The following NXPE3 variants were observed in gnomAD, a reference collection of about 807,000 sequenced individuals.
The protein encoded by NXPE3 is NXPE family member 3.
A neutral mutation model predicts 46.1 loss-of-function variants in NXPE3; 26 were observed. The observed-to-expected ratio is 0.56, with a 90% CI of 0.41 to 0.78. The LOEUF (loss-of-function observed/expected upper bound fraction) is 0.78. Ranked by LOEUF, NXPE3 falls within the 30% of genes least tolerant of loss-of-function variation. The pLI is 0.00. For missense variants in NXPE3, 620 were observed against 686.0 expected (o/e 0.90, Z 1.07); for synonymous variants, 272 against 257.9 (o/e 1.05, Z -0.52).
intron 4 of NXPE3, among the ~76,000 whole-genome samples, chr3:101,787,772 C>T (rs931439127): frequency 9.9e-5 from 15 of 152,218 alleles, no homozygotes; most frequent in Non-Finnish European, 1.8e-4. Flanking sequence ...AAGGAAATTC[C>T]GATAGATGCT....
At position 101,824,798 on chromosome 3, in the gene NXPE3, G is replaced by C. The variant is rs1212001864; in HGVS notation, c.*2844G>C. 4.6e-5 allele frequency: 7 copies of C among 152,160 alleles called. No individual in the cohort carries two copies. The highest frequency in any genetic ancestry group is 4.1e-4 in the South Asian group (2 of 4,830). 9.4% of individuals were successfully genotyped at this position (152,160 alleles called of 1,614,324 possible). ...CATTTCCTCAAGGATTTATAAAGGA[G>C]GCTGAGGAGTAATTTTCCCAGGAGA... On this transcript the variant is annotated 3_prime_UTR_variant, in exon 8 of 8. Transcript: ENST00000273347.
rs1942333175 is a variant in NXPE3, at chr3:101,823,146, A to G, written c.*1192A>G. On this transcript the variant is annotated 3_prime_UTR_variant, in exon 8 of 8. Transcript: ENST00000273347. ...TTTTCTTTTTGAGCTGTGATAGATT[A>G]TAGTCTAGTTTAAGTTGCTCCTAAG... 1 of 152,174 alleles carries G rather than the reference A, an allele frequency of 6.6e-6. No individual in the cohort carries two copies. Among genetic ancestry groups the G allele is most frequent in the Non-Finnish European group, 1.5e-5 (1 of 68,024 alleles). The allele number at this position is 152,174 out of a possible 1,614,324, so 9.4% of individuals were successfully genotyped here. A position where few individuals can be genotyped will look rare whatever the true frequency, so the allele number is the denominator to read the frequency against.
Position 101,821,866 on chromosome 3 carries a change from A to G in NXPE3, c.1592A>G (p.Tyr531Cys), listed in dbSNP as rs1942273918. ...GCCTGGGAGATGACCCTGGCCCATT[A>G]TCTACCGCACAAGCTGCATCCAGAT... ...VDAWEMTLAH[Y>C]LPHKLHPDEV... The change falls in exon 8 of 8, where the codon TAT becomes TGT. Residue 531 changes from tyrosine to cysteine, a missense_variant. This residue lies in a region of NXPE3 where 34 missense variants were observed against 36.2 expected (regional missense o/e 0.94). Coordinates refer to ENST00000273347, the MANE Select transcript of NXPE3 (RefSeq NM_145037.4). The G allele has an allele frequency of 1.2e-5, 20 of 1,614,134 alleles. No individual in the cohort carries two copies. Among genetic ancestry groups the G allele is most frequent in the Non-Finnish European group, 1.7e-5 (20 of 1,180,022 alleles).
Position 101,816,786 on chromosome 3 carries a change from T to C in NXPE3, c.923-9T>C. ...TATTAAAATATTTGTTTTTCTTTTT[T>C]CTTTGCAGAAACTAACAGTCTAGAA... is the stretch of plus-strand genomic sequence containing the variant. On this transcript the variant is annotated splice_polypyrimidine_tract_variant and intron_variant, in intron 6 of 7. Coordinates refer to ENST00000273347, the MANE Select transcript of NXPE3 (RefSeq NM_145037.4). 6.3e-7 allele frequency: 1 copy of C among 1,595,082 alleles called. No homozygotes were observed. Among genetic ancestry groups the C allele is most frequent in the Non-Finnish European group, 8.6e-7 (1 of 1,169,272 alleles).
rs1357422565 is a variant in NXPE3, at chr3:101,801,320, A to G, written c.179A>G (p.Asn60Ser). The G allele has an allele frequency of 6.2e-7, 1 of 1,614,090 alleles. No individual in the cohort carries two copies. Among genetic ancestry groups the G allele is most frequent in the East Asian group, 2.2e-5 (1 of 44,892 alleles). Residue 60 changes from asparagine to serine, a missense_variant, in exon 5 of 8, where the codon AAT (asparagine) becomes AGT (serine). Transcript: ENST00000273347. ...TCCCAGGTGACAGGAATTAGCCGAA[A>G]TCCCTACTGTGGCTATGATCAGCAG... Reference protein sequence around the residue: ...VSSQVTGISRNPYCGYDQQTL... With the variant: ...VSSQVTGISRSPYCGYDQQTL...
chr3:101,796,553 C>T (rs571156472), intron 4 of NXPE3, among the ~76,000 whole-genome samples: 1 of 152,244 alleles, frequency 6.6e-6, no homozygotes, highest in Admixed American at 6.5e-5. Flanking sequence ...TGATTTGGTC[C>T]TTAATGGTGT....
At chr3:101,792,810 A>G (rs377684439) in intron 4 of NXPE3, among the ~76,000 whole-genome samples, 2 of 152,160 alleles carry the variant, frequency 1.3e-5, no homozygotes, top group African/African-American at 4.8e-5. Flanking sequence ...GAATGTTGTC[A>G]GTAGTTTGCT....
intron 5 of NXPE3, among the ~76,000 whole-genome samples, chr3:101,806,236 A>G (rs910710795): frequency 1.3e-5 from 2 of 152,218 alleles, no homozygotes. Flanking sequence ...GCACATTCCC[A>G]TATCAAGAAT....
Position 101,801,309 on chromosome 3 carries a change from A to T in NXPE3, c.168A>T (p.Gly56=). The T allele has an allele frequency of 3.1e-6, 5 of 1,614,158 alleles. No homozygotes were observed. Among genetic ancestry groups the T allele is most frequent in the Non-Finnish European group, 4.2e-6 (5 of 1,180,026 alleles). ...AGTTTGTTTCCTCCCAGGTGACAGG[A>T]ATTAGCCGAAATCCCTACTGTGGCT... ...SGQFVSSQVT[G]ISRNPYCGYD... is the part of the protein sequence containing the mutation. The change falls in exon 5 of 8, where the codon GGA becomes GGT. Residue 56 remains glycine (G), a synonymous_variant. Coordinates refer to ENST00000273347, the MANE Select transcript of NXPE3 (RefSeq NM_145037.4).
intron 3 of NXPE3, among the ~76,000 whole-genome samples, 161 bp downstream of exon 3, chr3:101,782,941 C>T (rs1229169508): frequency 3.9e-5 from 6 of 152,218 alleles, no homozygotes; most frequent in African/African-American, 1.4e-4. Flanking sequence ...AGCCACCATG[C>T]CTGGCCCAGC....
Position 101,822,165 on chromosome 3 carries a change from A to G in NXPE3, c.*211A>G, listed in dbSNP as rs1177830516. ...GATTTTATCCAATGTTGACTTAGCC[A>G]TGGTAGAACTCTTAACTGCATCTAC... is the stretch of plus-strand genomic sequence containing the variant. On this transcript the variant is annotated 3_prime_UTR_variant, in exon 8 of 8. Coordinates refer to ENST00000273347, the MANE Select transcript of NXPE3 (RefSeq NM_145037.4). 4 of 554,398 alleles carry G rather than the reference A, an allele frequency of 7.2e-6. No homozygotes were observed. Among genetic ancestry groups the G allele is most frequent in the Non-Finnish European group, 1.3e-5 (4 of 311,858 alleles). 34.3% of individuals were successfully genotyped at this position (554,398 alleles called of 1,614,324 possible).
At chr3:101,779,353 A>C (rs1274487214) in intron 1 of NXPE3, 29 bp downstream of exon 1, 3 of 152,310 alleles carry the variant, frequency 2.0e-5, no homozygotes, top group Non-Finnish European at 4.4e-5. Flanking sequence ...CTGTGTGCGG[A>C]CGTCGGGAGG....
intron 3 of NXPE3, among the ~76,000 whole-genome samples, chr3:101,783,524 T>A (rs1331041195): frequency 6.6e-6 from 1 of 152,228 alleles, no homozygotes; most frequent in East Asian, 1.9e-4. Context: ...AGCCTCTAGC[T>A]GGGAGGGACT....
Position 101,779,231 on chromosome 3 carries a change from G to C in NXPE3, c.-591G>C, listed in dbSNP as rs1435841519. 6.6e-6 allele frequency: 1 copy of C among 152,300 alleles called. No homozygotes were observed. Among genetic ancestry groups the C allele is most frequent in the East Asian group, 1.9e-4 (1 of 5,208 alleles). 9.4% of individuals were successfully genotyped at this position (152,300 alleles called of 1,614,324 possible). A position where few individuals can be genotyped will look rare whatever the true frequency, so the allele number is the denominator to read the frequency against. Reference sequence around the variant, plus strand: ...GAGGTGAGGAGACGTCGCCGGGTGAGGAAGCGGGGGGCTAGCGGCCTGGCG... The same window carrying C: ...GAGGTGAGGAGACGTCGCCGGGTGACGAAGCGGGGGGCTAGCGGCCTGGCG... On this transcript the variant is annotated 5_prime_UTR_variant, in exon 1 of 8. Coordinates refer to ENST00000273347, the MANE Select transcript of NXPE3 (RefSeq NM_145037.4).
Position 101,824,796 on chromosome 3 carries a change from G to C in NXPE3, c.*2842G>C, listed in dbSNP as rs1012852082. 2.0e-5 allele frequency: 3 copies of C among 152,166 alleles called. No homozygotes were observed. The highest frequency in any genetic ancestry group is 4.8e-5 in the African/African-American group (2 of 41,428). 9.4% of individuals were successfully genotyped at this position (152,166 alleles called of 1,614,324 possible). ...GACATTTCCTCAAGGATTTATAAAG[G>C]AGGCTGAGGAGTAATTTTCCCAGGA... On this transcript the variant is annotated 3_prime_UTR_variant, in exon 8 of 8. Coordinates refer to ENST00000273347, the MANE Select transcript of NXPE3 (RefSeq NM_145037.4).
chr3:101,805,230 A>G (rs1394227510), intron 5 of NXPE3, among the ~76,000 whole-genome samples: 1 of 152,128 alleles, frequency 6.6e-6, no homozygotes. Context: ...TAGTACTGTT[A>G]TTTAATATGC....
At chr3:101,818,718 TATATATATATATATATA>T (rs1560067129) in intron 7 of NXPE3, among the ~76,000 whole-genome samples, 26 of 12,112 alleles carry the variant, frequency 2.1e-3, no homozygotes, top group African/African-American at 8.0e-3. Flanking sequence ...TGACAATTTA[TATATATATATATATATA>T]TATATATATA....
intron 7 of NXPE3, among the ~76,000 whole-genome samples, chr3:101,819,242 C>T (rs569774451): frequency 3.9e-5 from 6 of 152,100 alleles, no homozygotes; most frequent in East Asian, 3.9e-4. Flanking sequence ...TTACTTAAGG[C>T]ACTTAAGGGA....
Position 101,826,127 on chromosome 3 carries a change from A to T in NXPE3, c.*4173A>T, listed in dbSNP as rs1942477319. The T allele has an allele frequency of 6.6e-6, 1 of 152,194 alleles. No individual in the cohort carries two copies. Among genetic ancestry groups the T allele is most frequent in the Non-Finnish European group, 1.5e-5 (1 of 68,028 alleles). 9.4% of individuals were successfully genotyped at this position (152,194 alleles called of 1,614,324 possible). ...GTTTAATAACTGAATCCAGTTTCAC[A>T]TTTATCAATCTGAAAACTTAGTTTG... On this transcript the variant is annotated 3_prime_UTR_variant, in exon 8 of 8. Transcript: ENST00000273347.
Sources: allele counts gnomAD v4.1 joint callset (sites outside exome capture counted in the v4.1 genomes callset), GRCh38; gene constraint gnomAD v4.1.1; regional missense constraint gnomAD v4.1.1; transcripts MANE v1.5; gene names NCBI Gene and HGNC (gene_info 2026-07-23, HGNC 2026-07-21).